The following TNNI3K variants were observed in gnomAD, a reference collection of about 807,000 sequenced individuals.
TNNI3K encodes the protein TNNI3 interacting kinase, also known as serine/threonine-protein kinase TNNI3K.
In TNNI3K, 140 loss-of-function variants were observed where a neutral mutation model predicts 114.5. That is an observed-to-expected ratio of 1.22 (90% CI 1.07 to 1.41). The LOEUF is 1.41. Among genes scored for constraint, TNNI3K ranks in the 40% most tolerant of loss-of-function variants. The pLI, the probability that TNNI3K is intolerant of heterozygous loss-of-function variation, is 0.00. For synonymous variants in TNNI3K, 347 were observed against 347.5 expected (o/e 1.00, Z 0.02); for missense variants, 1,125 against 1,007.6 (o/e 1.12, Z -1.58).
chr1:74,484,881 T>G (rs1481434146), intron 21 of TNNI3K, among the ~76,000 whole-genome samples: 2 of 152,206 alleles, frequency 1.3e-5, no homozygotes, highest in African/African-American at 4.8e-5. Flanking sequence ...AGTTGGGAAC[T>G]ACTTTTAGAT....
intron 5 of TNNI3K, among the ~76,000 whole-genome samples, chr1:74,279,036 A>C (rs1185969580): frequency 6.6e-6 from 1 of 152,286 alleles, no homozygotes; most frequent in East Asian, 1.9e-4. Flanking sequence ...CTACCTGTCT[A>C]TTTTCATTAT....
intron 17 of TNNI3K, among the ~76,000 whole-genome samples, chr1:74,381,193 A>G (rs1236092713): frequency 1.3e-5 from 2 of 152,134 alleles, no homozygotes; most frequent in Non-Finnish European, 2.9e-5. Context: ...CTATCACCCT[A>G]TTGGAAGACC....
intron 23 of TNNI3K, among the ~76,000 whole-genome samples, chr1:74,537,931 A>T (rs1646679626): frequency 6.6e-6 from 1 of 152,196 alleles, no homozygotes; most frequent in African/African-American, 2.4e-5. Flanking sequence ...GATTAACTTT[A>T]TAAGCTAAGT....
At chr1:74,342,154 T>C (rs1660776598) in intron 7 of TNNI3K, among the ~76,000 whole-genome samples, 1 of 152,190 alleles carries the variant, frequency 6.6e-6, no homozygotes, top group Non-Finnish European at 1.5e-5. Flanking sequence ...TCATTAATAC[T>C]TGCAGTATAC....
chr1:74,335,430 A>G (rs1285036233), intron 6 of TNNI3K, among the ~76,000 whole-genome samples: 2 of 152,142 alleles, frequency 1.3e-5, no homozygotes, highest in Non-Finnish European at 2.9e-5. Flanking sequence ...TTTGGGCCAT[A>G]TATTTTTTTT....
intron 2 of TNNI3K, among the ~76,000 whole-genome samples, chr1:74,248,245 G>A (rs1353494168): frequency 6.6e-6 from 1 of 151,994 alleles, no homozygotes; most frequent in Non-Finnish European, 1.5e-5. Context: ...ACTCACGCTG[G>A]CCTGCGAGCA....
At chr1:74,425,041 A>G (rs912333053) in intron 17 of TNNI3K, among the ~76,000 whole-genome samples, 2 of 152,144 alleles carry the variant, frequency 1.3e-5, no homozygotes, top group Non-Finnish European at 2.9e-5. Flanking sequence ...TTGGGTAAAG[A>G]TTCAAACAGC....
intron 11 of TNNI3K, chr1:74,366,823 A>T (rs2100513672): frequency 6.5e-6 from 1 of 153,466 alleles, no homozygotes. Context: ...ATACTGAATC[A>T]AATGTACGCT....
chr1:74,397,050 G>A (rs1463321208), intron 17 of TNNI3K, among the ~76,000 whole-genome samples: 1 of 152,174 alleles, frequency 6.6e-6, no homozygotes, highest in Non-Finnish European at 1.5e-5. Flanking sequence ...AGCCAGCCAT[G>A]CAGCTGTGTG....
intron 20 of TNNI3K, among the ~76,000 whole-genome samples, chr1:74,460,564 T>C (rs554564665): frequency 3.9e-5 from 6 of 152,382 alleles, no homozygotes; most frequent in East Asian, 3.9e-4. Flanking sequence ...TCCTCTAACA[T>C]ATTTTTTGTA....
intron 2 of TNNI3K, among the ~76,000 whole-genome samples, chr1:74,248,426 G>A (rs1000824519): frequency 2.6e-5 from 4 of 152,164 alleles, no homozygotes; most frequent in South Asian, 2.1e-4. Flanking sequence ...AGGAGGTGCC[G>A]AGAGCGAGCG....
intron 23 of TNNI3K, among the ~76,000 whole-genome samples, chr1:74,505,679 A>T (rs568256718): frequency 6.6e-6 from 1 of 152,306 alleles, no homozygotes; most frequent in South Asian, 2.1e-4. Flanking sequence ...TTGTAAAAAA[A>T]CACATTAAAC....
At chr1:74,441,671 T>C (rs1427973525) in intron 20 of TNNI3K, among the ~76,000 whole-genome samples, 1 of 152,132 alleles carries the variant, frequency 6.6e-6, no homozygotes, top group Non-Finnish European at 1.5e-5. Flanking sequence ...TTTAAATATA[T>C]ATGTATATAT....
intron 4 of TNNI3K, among the ~76,000 whole-genome samples, chr1:74,258,116 C>A (rs183021368): frequency 2.2e-4 from 33 of 152,160 alleles, no homozygotes; most frequent in African/African-American, 7.9e-4. Context: ...TTCCAAAATC[C>A]CCCCGTACTA....
intron 23 of TNNI3K, among the ~76,000 whole-genome samples, chr1:74,538,850 AAAG>A (rs1219123038): frequency 2.0e-5 from 3 of 152,192 alleles, no homozygotes; most frequent in African/African-American, 7.2e-5. Flanking sequence ...AGAATGCCAA[AAAG>A]AAGAAGCATT....
chr1:74,376,070 A>G (rs1267372516), intron 17 of TNNI3K, among the ~76,000 whole-genome samples: 1 of 151,994 alleles, frequency 6.6e-6, no homozygotes, highest in Non-Finnish European at 1.5e-5. Context: ...CAACTTTCCA[A>G]TGACAAATGA....
intron 23 of TNNI3K, among the ~76,000 whole-genome samples, chr1:74,498,637 A>AT (rs1669455873): frequency 6.6e-6 from 1 of 152,090 alleles, no homozygotes; most frequent in Non-Finnish European, 1.5e-5. Flanking sequence ...TGGCATTCAG[A>AT]TTTTTTTGAC....
intron 21 of TNNI3K, among the ~76,000 whole-genome samples, chr1:74,467,576 T>C (rs1667732713): frequency 6.6e-6 from 1 of 151,978 alleles, no homozygotes; most frequent in Non-Finnish European, 1.5e-5. Flanking sequence ...ATGGCAATTA[T>C]ATTTTTTTCT....
intron 18 of TNNI3K, 93 bp from the exon 19 acceptor site, chr1:74,436,381 G>C: frequency 7.3e-7 from 1 of 1,378,632 alleles, no homozygotes; most frequent in Non-Finnish European, 9.7e-7. Context: ...GAATAAGACA[G>C]AAGTCTCTTG....
Sources: allele counts gnomAD v4.1 joint callset (sites outside exome capture counted in the v4.1 genomes callset), GRCh38; gene constraint gnomAD v4.1.1; transcripts MANE v1.5; gene names NCBI Gene and HGNC (gene_info 2026-07-23, HGNC 2026-07-21).